The following CAMKMT variants were observed in gnomAD, a reference collection of about 807,000 sequenced individuals.
CAMKMT encodes the protein CaM KMT.
CAMKMT carries 53 observed loss-of-function variants against 48.0 expected under a neutral mutation model. The observed-to-expected ratio is 1.10, with a 90% CI of 0.89 to 1.39. The LOEUF is 1.39. CAMKMT is among the 40% of genes most tolerant of loss of function. CAMKMT has a pLI of 0.00. For missense variants in CAMKMT, 428 were observed against 402.7 expected, an observed-to-expected ratio of 1.06 and a Z score of -0.54; for synonymous variants, 165 against 152.3, an observed-to-expected ratio of 1.08 and a Z score of -0.61.
chr2:44,610,109 A>C (rs1047415539), intron 3 of CAMKMT, among the ~76,000 whole-genome samples: 1 of 152,196 alleles, frequency 6.6e-6, no homozygotes, highest in Non-Finnish European at 1.5e-5. Context: ...TTATTAGTGA[A>C]GAGGCTACAT....
At chr2:44,416,662 C>T (rs548908538) in intron 3 of CAMKMT, among the ~76,000 whole-genome samples, 59 of 147,180 alleles carry the variant, frequency 4.0e-4, no homozygotes, top group Admixed American at 6.2e-4. Flanking sequence ...CAACCTGTGC[C>T]TCCTGGGTTC....
intron 2 of CAMKMT, among the ~76,000 whole-genome samples, chr2:44,383,592 A>G (rs1457945360): frequency 6.6e-6 from 1 of 152,142 alleles, no homozygotes. Flanking sequence ...TCAGCTGAGC[A>G]GTATACAGTG....
chr2:44,577,505 G>A (rs1289546135), intron 3 of CAMKMT, among the ~76,000 whole-genome samples: 2 of 152,136 alleles, frequency 1.3e-5, no homozygotes, highest in African/African-American at 4.8e-5. Flanking sequence ...TATAGTGGCA[G>A]CTACCTGGGA....
In CAMKMT at chr2:44,518,492, G is replaced by A. The variant is rs115421041; in HGVS notation, c.376+128187G>A. On this transcript the variant is annotated intron_variant, in intron 3 of 10. Transcript: ENST00000378494. ...AATCCAATGTAACAATAGAACACAT[G>A]AATCTACTGTATATTCTTACAGATA... 2.7e-3 allele frequency among the ~76,000 whole-genome samples: 409 copies of A among 152,254 alleles called. 2 individuals carry two copies. Among genetic ancestry groups the A allele is most frequent in the African/African-American group, 9.6e-3 (398 of 41,564 alleles).
intron 3 of CAMKMT, among the ~76,000 whole-genome samples, chr2:44,646,933 G>A (rs564227246): frequency 6.6e-6 from 1 of 152,310 alleles, no homozygotes; most frequent in East Asian, 1.9e-4. Flanking sequence ...GTTGGAAGGT[G>A]AAAGTGATAT....
chr2:44,532,963 C>T (rs986613475), intron 3 of CAMKMT, among the ~76,000 whole-genome samples: 21 of 151,794 alleles, frequency 1.4e-4, no homozygotes, highest in Non-Finnish European at 2.9e-5. Flanking sequence ...CAGGCATGCA[C>T]CACCACACCC....
chr2:44,500,527 T>C (rs1320903855), intron 3 of CAMKMT, among the ~76,000 whole-genome samples: 2 of 152,162 alleles, frequency 1.3e-5, no homozygotes, highest in African/African-American at 4.8e-5. Context: ...TTAAATAAGA[T>C]AATGTAAAGA....
At chr2:44,688,017 T>A (rs1392841054) in intron 3 of CAMKMT, among the ~76,000 whole-genome samples, 1 of 152,238 alleles carries the variant, frequency 6.6e-6, no homozygotes, top group East Asian at 1.9e-4. Context: ...GATGTTTTAA[T>A]ATAGTTGAAT....
chr2:44,606,930 G>C (rs1026747918), intron 3 of CAMKMT, among the ~76,000 whole-genome samples: 1 of 151,706 alleles, frequency 6.6e-6, no homozygotes, highest in Non-Finnish European at 1.5e-5. Flanking sequence ...TGACCGTCTT[G>C]AACCTTTCAT....
At chr2:44,479,451 G>A (rs189277524) in intron 3 of CAMKMT, among the ~76,000 whole-genome samples, 1 of 152,214 alleles carries the variant, frequency 6.6e-6, no homozygotes, top group Non-Finnish European at 1.5e-5. Flanking sequence ...TCAGGCGGAA[G>A]TTGGAGTTTA....
chr2:44,745,385 T>G (rs927249166), intron 8 of CAMKMT, among the ~76,000 whole-genome samples: 2 of 152,202 alleles, frequency 1.3e-5, no homozygotes, highest in South Asian at 4.2e-4. Flanking sequence ...CTTTTCTGAT[T>G]AATGTTCTCA....
At chr2:44,440,788 A>G (rs534417707) in intron 3 of CAMKMT, among the ~76,000 whole-genome samples, 5 of 152,148 alleles carry the variant, frequency 3.3e-5, no homozygotes, top group Non-Finnish European at 5.9e-5. Context: ...ATTCTGTGCT[A>G]TTGGTATTGA....
chr2:44,482,836 G>A (rs572355103), intron 3 of CAMKMT, among the ~76,000 whole-genome samples: 8 of 152,192 alleles, frequency 5.3e-5, no homozygotes, highest in African/African-American at 1.9e-4. Flanking sequence ...TTCAGCATAT[G>A]CGTGAAATTA....
At chr2:44,520,417 C>T (rs185501917) in intron 3 of CAMKMT, among the ~76,000 whole-genome samples, 1 of 151,988 alleles carries the variant, frequency 6.6e-6, no homozygotes, top group Non-Finnish European at 1.5e-5. Context: ...GCATCCAGCC[C>T]TCAAAGCATT....
intron 3 of CAMKMT, chr2:44,456,543 A>G (rs561879533): frequency 2.1e-5 from 33 of 1,549,168 alleles, no homozygotes; most frequent in Middle Eastern, 1.7e-4. Flanking sequence ...TACCTTTTCT[A>G]TACATGTCAT....
chr2:44,427,986 C>A (rs1419602218), intron 3 of CAMKMT, among the ~76,000 whole-genome samples: 3 of 152,158 alleles, frequency 2.0e-5, no homozygotes, highest in African/African-American at 7.2e-5. Context: ...AAACCTGCAG[C>A]AGCCTCTAGG....
In CAMKMT at chr2:44,390,253, A is replaced by T. The variant is rs1681199016; in HGVS notation, c.324A>T (p.Gly108=). ...TACTCCTTTCTAGGCATAATAGTGGATCCTTGAATGTTGAAGATGTCCTTA... is the reference window on the plus strand; with the variant it reads ...TACTCCTTTCTAGGCATAATAGTGGTTCCTTGAATGTTGAAGATGTCCTTA... ...EYSISLRHNS[G]SLNVEDVLTS... Residue 108 remains glycine, a synonymous_variant, in exon 3 of 11, where the codon GGA becomes GGT. Coordinates refer to ENST00000378494, the MANE Select transcript of CAMKMT (RefSeq NM_024766.5). 1.1e-5 allele frequency: 18 copies of T among 1,608,884 alleles called. No individual in the cohort carries two copies. Among genetic ancestry groups the T allele is most frequent in the Admixed American group, 3.4e-5 (2 of 59,076 alleles).
chr2:44,616,247 T>C (rs1159879838), intron 3 of CAMKMT, among the ~76,000 whole-genome samples: 1 of 152,206 alleles, frequency 6.6e-6, no homozygotes, highest in Non-Finnish European at 1.5e-5. Flanking sequence ...GAGTGATCTT[T>C]GAAAAACACA....
chr2:44,551,325 T>G (rs889279993), intron 3 of CAMKMT, among the ~76,000 whole-genome samples: 1 of 152,128 alleles, frequency 6.6e-6, no homozygotes, highest in African/African-American at 2.4e-5. Flanking sequence ...AAATTCTCAC[T>G]GTTCAGGTGA....
Sources: allele counts gnomAD v4.1 joint callset (sites outside exome capture counted in the v4.1 genomes callset), GRCh38; gene constraint gnomAD v4.1.1; transcripts MANE v1.5; gene names NCBI Gene and HGNC (gene_info 2026-07-23, HGNC 2026-07-21).